The following KIAA0040 variants were observed in gnomAD, a reference collection of about 807,000 sequenced individuals.
KIAA0040 encodes uncharacterized protein KIAA0040.
A neutral mutation model predicts 7.2 loss-of-function variants in KIAA0040; 10 were observed. The ratio of observed to expected loss-of-function variants is 1.38; its 90% CI spans 0.85 to 2.34. The LOEUF is 2.34. Ranked by LOEUF, KIAA0040 falls within the 30% of genes most tolerant of loss-of-function variation. The pLI is 0.00. For synonymous variants in KIAA0040, 49 were observed against 40.1 expected (o/e 1.22, Z -0.84); for missense variants, 89 against 108.2 (o/e 0.82, Z 0.79).
intron 3 of KIAA0040, among the ~76,000 whole-genome samples, chr1:175,165,336 A>T (rs1676715550): frequency 6.6e-6 from 1 of 152,240 alleles, no homozygotes; most frequent in Non-Finnish European, 1.5e-5. Context: ...CATTGTGGGG[A>T]TCAAAATGAT....
chr1:175,186,172 GGT>G (rs758312716), intron 1 of KIAA0040, among the ~76,000 whole-genome samples: 3 of 152,040 alleles, frequency 2.0e-5, no homozygotes, highest in Non-Finnish European at 4.4e-5. Context: ...ACTTTAAAAT[GGT>G]TAATTTTATG....
chr1:175,161,363 G>C (rs1676535958), intron 3 of KIAA0040, among the ~76,000 whole-genome samples: 1 of 152,190 alleles, frequency 6.6e-6, no homozygotes, highest in Non-Finnish European at 1.5e-5. Flanking sequence ...TTGGGCTTAG[G>C]ATATAAAAAT....
At chr1:175,184,218 C>T (rs1677563093) in intron 1 of KIAA0040, among the ~76,000 whole-genome samples, 1 of 152,184 alleles carries the variant, frequency 6.6e-6, no homozygotes, top group Admixed American at 6.5e-5. Context: ...ACTGTATAGC[C>T]ATACGCTAGG....
intron 2 of KIAA0040, among the ~76,000 whole-genome samples, chr1:175,168,840 C>T (rs1483372125): frequency 1.3e-5 from 2 of 152,210 alleles, no homozygotes; most frequent in Non-Finnish European, 2.9e-5. Context: ...CAGCCCCTTA[C>T]GTCTCTGTGG....
intron 1 of KIAA0040, among the ~76,000 whole-genome samples, chr1:175,188,255 G>A (rs1677739423): frequency 6.6e-6 from 1 of 152,144 alleles, no homozygotes; most frequent in South Asian, 2.1e-4. Context: ...GGTTCGTTTT[G>A]GAACTTAGCT....
rs1676387270 is a variant in KIAA0040, at chr1:175,158,486, C to T, written c.*2228G>A. On this transcript the variant is annotated 3_prime_UTR_variant, in exon 4 of 4. Transcript: ENST00000423313. ...TCCTAGATCATATCTGACACTACGT[C>T]TCAGCTGTCAGCCTCCACCTCTCCC... is the stretch of plus-strand genomic sequence containing the variant. 1 of 152,198 alleles carries T rather than the reference C, an allele frequency of 6.6e-6. No homozygotes were observed. Among genetic ancestry groups the T allele is most frequent in the Non-Finnish European group, 1.5e-5 (1 of 68,062 alleles). 9.4% of individuals were successfully genotyped at this position (152,198 alleles called of 1,614,324 possible).
At chr1:175,167,657 T>A (rs1883102) in intron 2 of KIAA0040, among the ~76,000 whole-genome samples, 86,048 of 151,808 alleles carry the variant, frequency 0.57, 24,812 homozygotes, top group East Asian at 0.86. Context: ...TGGGAGAGGG[T>A]GTAGGGGGAG....
At position 175,187,544 on chromosome 1, in the gene KIAA0040, G is replaced by A. The variant is rs554849880; in HGVS notation, c.-384+5096C>T. 5.4e-4 allele frequency among the ~76,000 whole-genome samples: 82 copies of A among 152,306 alleles called. No homozygotes were observed. The Middle Eastern group carries it at 0.01, about 19-fold the overall frequency. On this transcript the variant is annotated intron_variant, in intron 1 of 3. Coordinates refer to ENST00000423313, the MANE Select transcript of KIAA0040 (RefSeq NM_014656.3). ...TGGATGCACATTTAATATCTTACTTGAGTTGGGGAGGAACAAGAAGCTCTT... is the reference window on the plus strand; with the variant it reads ...TGGATGCACATTTAATATCTTACTTAAGTTGGGGAGGAACAAGAAGCTCTT...
rs1486582230 is a variant in KIAA0040, at chr1:175,182,260, TA to T, written c.-383-4577del. Among the ~76,000 whole-genome samples, 3 of 152,202 alleles carry T rather than the reference TA, an allele frequency of 2.0e-5. No individual in the cohort carries two copies. In the East Asian group the frequency reaches 5.8e-4, roughly 29 times the overall value. On this transcript the variant is annotated intron_variant, in intron 1 of 3. Transcript: ENST00000423313. ...ACTGTGTTAAGGGAACTTGAGTGTA[TA>T]GTGAATTTTCTGCCTCCTCCCTGTC...
At chr1:175,184,538 A>G (rs1228017155) in intron 1 of KIAA0040, among the ~76,000 whole-genome samples, 3 of 152,218 alleles carry the variant, frequency 2.0e-5, no homozygotes, top group Non-Finnish European at 2.9e-5. Flanking sequence ...AAAGTCTATG[A>G]GTTGAAACAT....
At position 175,158,183 on chromosome 1, in the gene KIAA0040, T is replaced by A. The variant is rs562594053; in HGVS notation, c.*2531A>T. Reference sequence around the variant, plus strand: ...ACTCCTCTAGTTACGCCAGGAAAGGTTGTCAGGGGAGTCTGTGATGGGGAA... The same window carrying A: ...ACTCCTCTAGTTACGCCAGGAAAGGATGTCAGGGGAGTCTGTGATGGGGAA... On this transcript the variant is annotated 3_prime_UTR_variant, in exon 4 of 4. Coordinates refer to ENST00000423313, the MANE Select transcript of KIAA0040 (RefSeq NM_014656.3). The A allele has an allele frequency of 1.2e-4, 18 of 152,326 alleles. No homozygotes were observed. The highest frequency in any genetic ancestry group is 3.4e-4 in the African/African-American group (14 of 41,542). 9.4% of individuals were successfully genotyped at this position (152,326 alleles called of 1,614,324 possible). A position where few individuals can be genotyped will look rare whatever the true frequency, so the allele number is the denominator to read the frequency against.
chr1:175,162,296 C>T (rs2101875591), intron 3 of KIAA0040, among the ~76,000 whole-genome samples: 1 of 152,134 alleles, frequency 6.6e-6, no homozygotes, highest in Non-Finnish European at 1.5e-5. Context: ...ATGGACACTC[C>T]AGAGATCATC....
chr1:175,186,053 T>C (rs913467178), intron 1 of KIAA0040, among the ~76,000 whole-genome samples: 6 of 152,150 alleles, frequency 3.9e-5, no homozygotes, highest in Non-Finnish European at 7.4e-5. Flanking sequence ...GAAGAAGAAA[T>C]TGCTTAATGG....
intron 1 of KIAA0040, among the ~76,000 whole-genome samples, chr1:175,191,969 C>G (rs1028461152): frequency 1.2e-4 from 19 of 152,298 alleles, no homozygotes; most frequent in Admixed American, 9.2e-4. Flanking sequence ...TAGCTATCAT[C>G]TATAGTTTAC....
rs751487137 is a variant in KIAA0040, at chr1:175,160,878, T to A, written c.136A>T (p.Ile46Phe). 3 of 1,551,468 alleles carry A rather than the reference T, an allele frequency of 1.9e-6. No individual in the cohort carries two copies. The highest frequency in any genetic ancestry group is 1.7e-6 in the Non-Finnish European group (2 of 1,146,972). ...GGGCTCCAGCAGCAATGGCAACAGA[T>A]GAAGAGGAGTGTGATGATCACCAAG... is the stretch of plus-strand genomic sequence containing the variant. The part of the protein sequence containing the change: ...PLLVIITLLF[I>F]CCHCCWSPPG... The change falls in exon 4 of 4, where the codon ATC becomes TTC. Residue 46 changes from isoleucine to phenylalanine, a missense_variant. Ile to Phe is a conservative substitution (Grantham distance 21). Transcript: ENST00000423313.
chr1:175,184,454 G>C (rs1027611007), intron 1 of KIAA0040, among the ~76,000 whole-genome samples: 1 of 152,140 alleles, frequency 6.6e-6, no homozygotes, highest in Non-Finnish European at 1.5e-5. Flanking sequence ...TCTGTTCAGA[G>C]ACAGAGGACA....
intron 3 of KIAA0040, among the ~76,000 whole-genome samples, chr1:175,162,803 C>T (rs769739091): frequency 6.6e-6 from 1 of 152,198 alleles, no homozygotes; most frequent in African/African-American, 2.4e-5. Flanking sequence ...TAATCCCACC[C>T]TCTCATGGCA....
chr1:175,173,800 A>G (rs1046477974), intron 2 of KIAA0040, among the ~76,000 whole-genome samples: 1 of 152,238 alleles, frequency 6.6e-6, no homozygotes. Context: ...CATCACTGAT[A>G]ACATGTATAA....
intron 1 of KIAA0040, among the ~76,000 whole-genome samples, chr1:175,183,588 G>A (rs1677531610): frequency 6.6e-6 from 1 of 152,182 alleles, no homozygotes; most frequent in Non-Finnish European, 1.5e-5. Flanking sequence ...TCACAATTGG[G>A]GTTGCAGCTC....
Sources: gnomAD v4.1 joint callset for allele counts (sites outside exome capture counted in the v4.1 genomes callset) on GRCh38, gnomAD v4.1.1 for gene constraint, MANE v1.5 for transcripts, NCBI Gene and HGNC (gene_info 2026-07-23, HGNC 2026-07-21) for gene names.